The following TARP variants were observed in gnomAD, a reference collection of about 807,000 sequenced individuals.
chr7:38,266,313 T>TTTGTTG, the TARP span, among the ~76,000 whole-genome samples: 1 of 133,726 alleles, frequency 7.5e-6, no homozygotes, highest in Non-Finnish European at 1.6e-5. Flanking sequence ...TGTCAAAATT[T>TTTGTTG]TTGTTGTTGT....
At chr7:38,267,333 G>T in the TARP span, among the ~76,000 whole-genome samples, 3 of 151,750 alleles carry the variant, frequency 2.0e-5, no homozygotes, top group African/African-American at 7.3e-5. Flanking sequence ...AATGTTAATG[G>T]GTTATACACG....
chr7:38,260,533 T>G, the TARP span, among the ~76,000 whole-genome samples: 7 of 150,500 alleles, frequency 4.7e-5, no homozygotes, highest in Non-Finnish European at 8.8e-5. Context: ...TAGGTAGTTG[T>G]GGCACACTCA....
the TARP span, among the ~76,000 whole-genome samples, chr7:38,264,422 C>T: frequency 0.083 from 12,511 of 151,168 alleles, 659 homozygotes; most frequent in Middle Eastern, 0.15. Flanking sequence ...GAAACCCCAT[C>T]TCTACTAAAA....
At chr7:38,265,711 A>G in the TARP span, 2 of 1,448,190 alleles carry the variant, frequency 1.4e-6, no homozygotes, top group Non-Finnish European at 1.9e-6. Flanking sequence ...AGTTTAAAAG[A>G]ATCATTAGAG....
the TARP span, among the ~76,000 whole-genome samples, chr7:38,272,206 T>C: frequency 6.6e-6 from 1 of 151,096 alleles, no homozygotes; most frequent in Non-Finnish European, 1.5e-5. Flanking sequence ...TTTATCTGTA[T>C]TCCTGAGTGT....
the TARP span, among the ~76,000 whole-genome samples, chr7:38,266,309 A>T: frequency 6.8e-6 from 1 of 147,554 alleles, no homozygotes; most frequent in Non-Finnish European, 1.5e-5. Context: ...TCAATGTCAA[A>T]ATTTTTGTTG....
the TARP span, among the ~76,000 whole-genome samples, chr7:38,270,189 C>T: frequency 1.3e-5 from 2 of 151,922 alleles, no homozygotes; most frequent in Non-Finnish European, 2.9e-5. Flanking sequence ...GATTGTGTGC[C>T]TTGACATGAC....
At chr7:38,261,655 C>T in the TARP span, among the ~76,000 whole-genome samples, 5 of 151,360 alleles carry the variant, frequency 3.3e-5, no homozygotes, top group African/African-American at 1.2e-4. Context: ...GGGCAGATCA[C>T]GAGGTCACAA....
the TARP span, chr7:38,262,074 G>A: frequency 9.9e-7 from 1 of 1,015,178 alleles, no homozygotes; most frequent in Non-Finnish European, 1.6e-6. Flanking sequence ...GGTCCATTCT[G>A]CAGCATCCAA....
chr7:38,262,208 T>C, the TARP span: 9 of 1,611,578 alleles, frequency 5.6e-6, no homozygotes, highest in Non-Finnish European at 7.6e-6. Flanking sequence ...TGGGATCCAT[T>C]GTGATGACAT....
chr7:38,269,074 C>G, the TARP span, among the ~76,000 whole-genome samples: 677 of 151,830 alleles, frequency 4.5e-3, 8 homozygotes, highest in African/African-American at 0.016. Flanking sequence ...AGTGGTGGAG[C>G]CAGAGTTCCA....
the TARP span, chr7:38,260,279 C>G: frequency 1.9e-6 from 2 of 1,061,988 alleles, no homozygotes; most frequent in Non-Finnish European, 2.6e-6. Context: ...TACATTAATG[C>G]GAGAGGGGTT....
chr7:38,270,105 A>T, the TARP span, among the ~76,000 whole-genome samples: 3 of 151,944 alleles, frequency 2.0e-5, no homozygotes, highest in Non-Finnish European at 4.4e-5. Context: ...CTGCCTCAAA[A>T]ATAAATGCTA....
the TARP span, among the ~76,000 whole-genome samples, chr7:38,260,843 G>T: frequency 6.6e-6 from 1 of 151,798 alleles, no homozygotes; most frequent in Non-Finnish European, 1.5e-5. Context: ...AGGTGGTACT[G>T]CCCTCCTTGC....
the TARP span, among the ~76,000 whole-genome samples, chr7:38,267,600 TTTAA>T: frequency 6.6e-6 from 1 of 150,926 alleles, no homozygotes; most frequent in Non-Finnish European, 1.5e-5. Flanking sequence ...ATGCTATAAA[TTTAA>T]TTAGGCATAA....
chr7:38,273,476 G>C, the TARP span: 1 of 908,170 alleles, frequency 1.1e-6, no homozygotes, highest in Non-Finnish European at 1.7e-6. Context: ...GACCTCTCTG[G>C]AGATTTCACC....
chr7:38,265,066 G>T, the TARP span, among the ~76,000 whole-genome samples: 3 of 150,986 alleles, frequency 2.0e-5, no homozygotes, highest in Non-Finnish European at 2.9e-5. Context: ...TGTGTATGTT[G>T]TTTCTTTAAT....
the TARP span, among the ~76,000 whole-genome samples, chr7:38,260,995 C>G: frequency 2.0e-5 from 3 of 151,822 alleles, no homozygotes; most frequent in African/African-American, 7.3e-5. Context: ...TCTGTGTCTG[C>G]TAAATGAGAT....
chr7:38,273,223 A>T, the TARP span, among the ~76,000 whole-genome samples: 1 of 145,036 alleles, frequency 6.9e-6, no homozygotes, highest in East Asian at 2.0e-4. Context: ...TTGGTGACCA[A>T]ATAAGGAGGG....
Sources: gnomAD v4.1 joint callset for allele counts (sites outside exome capture counted in the v4.1 genomes callset) on GRCh38, gnomAD v4.1.1 for gene constraint, MANE v1.5 for transcripts.